The following OSBPL8 variants were observed in gnomAD, a reference collection of about 807,000 sequenced individuals.
The protein encoded by OSBPL8 is oxysterol-binding protein-related protein 8.
OSBPL8 carries 59 observed loss-of-function variants against 125.5 expected under a neutral mutation model. The ratio of observed to expected loss-of-function variants is 0.47; its 90% CI spans 0.38 to 0.58. The LOEUF (loss-of-function observed/expected upper bound fraction) is 0.58. Ranked by LOEUF, OSBPL8 falls within the 20% of genes least tolerant of loss-of-function variation. The pLI is 0.00. For missense variants in OSBPL8, 758 were observed against 1,047.8 expected (o/e 0.72, Z 3.82); for synonymous variants, 330 against 338.9 (o/e 0.97, Z 0.29).
chr12:76,517,494 C>T (rs888923671), intron 1 of OSBPL8, among the ~76,000 whole-genome samples: 6 of 151,756 alleles, frequency 4.0e-5, no homozygotes, highest in Admixed American at 1.3e-4. Context: ...ACTAATATCT[C>T]GTACATATAT....
At chr12:76,466,090 T>C (rs1386149190) in intron 2 of OSBPL8, among the ~76,000 whole-genome samples, 22 of 152,176 alleles carry the variant, frequency 1.4e-4, no homozygotes, top group Non-Finnish European at 5.9e-5. Context: ...AAGAAGCTTG[T>C]ATGATATGAC....
rs532851987 is a variant in OSBPL8 at position 76,358,377 on chromosome 12, T to C, written c.2434+329A>G. 2.0e-3 allele frequency among the ~76,000 whole-genome samples: 298 copies of C among 152,116 alleles called. 1 individual carries two copies. The highest frequency in any genetic ancestry group is 6.8e-3 in the African/African-American group (283 of 41,492). On this transcript the variant is annotated intron_variant, in intron 22 of 23. Transcript: ENST00000261183. ...TCATATTTTTAGTAGAGACGGGGTT[T>C]CCCCATGTTAGCCAGGCTGGTCTTG...
chr12:76,511,374 T>G (rs1343204382), intron 1 of OSBPL8, among the ~76,000 whole-genome samples: 1 of 152,214 alleles, frequency 6.6e-6, no homozygotes, highest in Non-Finnish European at 1.5e-5. Context: ...TGTATAAGTG[T>G]TCCCTTTTCT....
chr12:76,458,953 A>G (rs1250509482), intron 3 of OSBPL8, among the ~76,000 whole-genome samples: 1 of 152,218 alleles, frequency 6.6e-6, no homozygotes, highest in Non-Finnish European at 1.5e-5. Context: ...CTAAATCAAT[A>G]TAATTTTCTA....
chr12:76,402,415 T>C (rs1206037975), intron 6 of OSBPL8, among the ~76,000 whole-genome samples: 1 of 152,198 alleles, frequency 6.6e-6, no homozygotes, highest in Non-Finnish European at 1.5e-5. Flanking sequence ...CTAGTTTGGA[T>C]ACAGCTGTAC....
chr12:76,367,411 A>C (rs1255150280), intron 21 of OSBPL8, among the ~76,000 whole-genome samples: 1 of 152,048 alleles, frequency 6.6e-6, no homozygotes, highest in Non-Finnish European at 1.5e-5. Context: ...ATTTGCACAT[A>C]ATATTTTTTT....
chr12:76,494,038 T>C (rs534977211), intron 1 of OSBPL8, among the ~76,000 whole-genome samples: 1 of 152,324 alleles, frequency 6.6e-6, no homozygotes, highest in South Asian at 2.1e-4. Context: ...GTTTTGTTTG[T>C]ATTGTTTTTC....
chr12:76,448,841 C>T lies in OSBPL8; in HGVS notation c.217+2010G>A, dbSNP rs560705908. On this transcript the variant is annotated intron_variant, in intron 4 of 23. Transcript: ENST00000261183. ...CATCCTGGCCAACACGGTGAAATCC[C>T]GTCTCTACTAAAAACACAAAAATTA... is the stretch of plus-strand genomic sequence containing the variant. 2.0e-5 allele frequency among the ~76,000 whole-genome samples: 3 copies of T among 152,234 alleles called. 1 individual carries two copies. In the South Asian group the frequency reaches 6.2e-4, roughly 32 times the overall value.
chr12:76,547,557 T>A (rs1297609733), intron 1 of OSBPL8, among the ~76,000 whole-genome samples: 3 of 151,908 alleles, frequency 2.0e-5, no homozygotes, highest in African/African-American at 7.3e-5. Context: ...GTACCAAAGA[T>A]AACACAGAAG....
At chr12:76,422,636 G>A (rs1333519362) in intron 4 of OSBPL8, 2 of 456,344 alleles carry the variant, frequency 4.4e-6, no homozygotes. Context: ...TCTACGTTGT[G>A]AGCTCTCTTC....
chr12:76,547,282 T>C (rs145051682), intron 1 of OSBPL8, among the ~76,000 whole-genome samples: 53 of 152,330 alleles, frequency 3.5e-4, no homozygotes, highest in African/African-American at 1.2e-3. Flanking sequence ...ATTAGATGAA[T>C]GTATTTAAAT....
chr12:76,494,707 G>A (rs1879095311), intron 1 of OSBPL8, among the ~76,000 whole-genome samples: 1 of 152,172 alleles, frequency 6.6e-6, no homozygotes, highest in East Asian at 1.9e-4. Flanking sequence ...GACAGCAGGA[G>A]GAGTAAGGTT....
intron 1 of OSBPL8, among the ~76,000 whole-genome samples, chr12:76,502,790 GGAA>G (rs1880034622): frequency 6.6e-6 from 1 of 152,086 alleles, no homozygotes; most frequent in African/African-American, 2.4e-5. Context: ...AAGGGATAGT[GGAA>G]GAAGGTAGTT....
In OSBPL8 at chr12:76,386,283, A is replaced by AG; in HGVS notation, c.1435-18_1435-17insC. On this transcript the variant is annotated splice_polypyrimidine_tract_variant and intron_variant, in intron 13 of 23. Coordinates refer to ENST00000261183, the MANE Select transcript of OSBPL8 (RefSeq NM_020841.5). ...CTTCAGTCCCTGGTAAAAAAAAAAA[A>AG]AAGCAATTTCAAATTACAAATACAA... 1.3e-6 allele frequency: 2 copies of AG among 1,580,726 alleles called. No homozygotes were observed. The highest frequency in any genetic ancestry group is 4.0e-5 in the Admixed American group (2 of 50,604).
chr12:76,444,759 CTTA>C (rs1872566525), intron 4 of OSBPL8, among the ~76,000 whole-genome samples: 1 of 152,132 alleles, frequency 6.6e-6, no homozygotes, highest in Non-Finnish European at 1.5e-5. Flanking sequence ...GAGCCTCACC[CTTA>C]GAGATTCTGA....
chr12:76,402,449 T>C (rs1482539141), intron 6 of OSBPL8, among the ~76,000 whole-genome samples: 1 of 152,230 alleles, frequency 6.6e-6, no homozygotes. Flanking sequence ...CCTCAGCCTC[T>C]GCAGTTGCCA....
At chr12:76,545,850 T>C (rs988539199) in intron 1 of OSBPL8, among the ~76,000 whole-genome samples, 8 of 152,192 alleles carry the variant, frequency 5.3e-5, no homozygotes, top group African/African-American at 1.9e-4. Context: ...CTAACTCTTA[T>C]ATTGAAAGCC....
intron 1 of OSBPL8, among the ~76,000 whole-genome samples, chr12:76,501,771 T>C (rs74103485): frequency 3.7e-4 from 56 of 152,344 alleles, no homozygotes; most frequent in Middle Eastern, 3.4e-3. Flanking sequence ...CAATACAGCA[T>C]CACTGTGGAG....
chr12:76,480,507 G>A (rs1426838762), intron 2 of OSBPL8, among the ~76,000 whole-genome samples: 1 of 152,178 alleles, frequency 6.6e-6, no homozygotes, highest in Non-Finnish European at 1.5e-5. Flanking sequence ...AATCTTGTAT[G>A]TATGATTAAT....
Sources: gnomAD v4.1 joint callset for allele counts (sites outside exome capture counted in the v4.1 genomes callset) on GRCh38, gnomAD v4.1.1 for gene constraint, MANE v1.5 for transcripts, NCBI Gene and HGNC (gene_info 2026-07-23, HGNC 2026-07-21) for gene names.